SYNGR1: variants seen among roughly 807,000 people sequenced by gnomAD.
The protein encoded by SYNGR1 is synaptogyrin-1.
Under a neutral mutation model 26.1 loss-of-function variants are expected in SYNGR1, and 14 were observed. The ratio of observed to expected loss-of-function variants is 0.54; its 90% CI spans 0.35 to 0.84. The LOEUF (loss-of-function observed/expected upper bound fraction) is 0.84, where lower values mean the gene tolerates loss of function less well. SYNGR1 is among the 40% of genes least tolerant of loss of function. The pLI, the probability that SYNGR1 is intolerant of heterozygous loss-of-function variation, is 0.01. For synonymous variants in SYNGR1, 141 were observed against 150.1 expected (o/e 0.94, Z 0.44); for missense variants, 319 against 332.9 (o/e 0.96, Z 0.33).
In SYNGR1 at chr22:39,382,264, G is replaced by A. The variant is rs1293563959; in HGVS notation, c.*350G>A. ...AGAAATGGCCACTGGAAAGGGGAGC[G>A]ATGAGCTGTGGAGGAAGCCCTGGTG... On this transcript the variant is annotated 3_prime_UTR_variant, in exon 4 of 4. Coordinates refer to ENST00000328933, the MANE Select transcript of SYNGR1 (RefSeq NM_004711.5). 4 of 407,896 alleles carry A rather than the reference G, an allele frequency of 9.8e-6. No homozygotes were observed. Among genetic ancestry groups the A allele is most frequent in the Non-Finnish European group, 1.4e-5 (3 of 216,854 alleles). The allele number at this position is 407,896 out of a possible 1,614,324, so 25.3% of individuals were successfully genotyped here. A position where few individuals can be genotyped will look rare whatever the true frequency, so the allele number is the denominator to read the frequency against.
chr22:39,363,432 A>G (rs1924582163), intron 1 of SYNGR1, among the ~76,000 whole-genome samples: 1 of 151,806 alleles, frequency 6.6e-6, no homozygotes, highest in African/African-American at 2.4e-5. Context: ...GAGGGACTTG[A>G]CAGTTTTGGG....
At chr22:39,363,988 G>A (rs867234897) in intron 1 of SYNGR1, among the ~76,000 whole-genome samples, 5 of 152,152 alleles carry the variant, frequency 3.3e-5, no homozygotes, top group African/African-American at 4.8e-5. Context: ...TCCTGGCAGC[G>A]TTACAGTGAT....
Position 39,382,215 on chromosome 22 carries a change from C to A in SYNGR1, c.*301C>A, listed in dbSNP as rs764182738. 4.9e-5 allele frequency: 25 copies of A among 514,330 alleles called. No individual in the cohort carries two copies. Among genetic ancestry groups the A allele is most frequent in the Non-Finnish European group, 8.2e-5 (23 of 282,198 alleles). The allele number at this position is 514,330 out of a possible 1,614,324, so 31.9% of individuals were successfully genotyped here. A position where few individuals can be genotyped will look rare whatever the true frequency, so the allele number is the denominator to read the frequency against. On this transcript the variant is annotated 3_prime_UTR_variant, in exon 4 of 4. Coordinates refer to ENST00000328933, the MANE Select transcript of SYNGR1 (RefSeq NM_004711.5). ...GCGCCTACTGGGCATCCGGCCTGTG[C>A]TGGGCATGGGTGGTGACATTGGCAG...
intron 1 of SYNGR1, among the ~76,000 whole-genome samples, chr22:39,363,595 C>T (rs1038343668): frequency 6.6e-6 from 1 of 152,020 alleles, no homozygotes; most frequent in Non-Finnish European, 1.5e-5. Context: ...GACTCATGGC[C>T]CAAGCAGGGG....
rs895913560 is a variant in SYNGR1 at position 39,384,763 on chromosome 22, C to T, written c.*2849C>T. The T allele has an allele frequency of 7.5e-6, 3 of 398,980 alleles. No individual in the cohort carries two copies. Among genetic ancestry groups the T allele is most frequent in the Admixed American group, 8.8e-5 (2 of 22,706 alleles). The allele number at this position is 398,980 out of a possible 1,614,324, so 24.7% of individuals were successfully genotyped here. A position where few individuals can be genotyped will look rare whatever the true frequency, so the allele number is the denominator to read the frequency against. ...GTGGCTCCCTCCTCCCCATCAAGCA[C>T]AAGAGAGGGCCCAGGAAAAAAGGTT... On this transcript the variant is annotated 3_prime_UTR_variant, in exon 4 of 4. Coordinates refer to ENST00000328933, the MANE Select transcript of SYNGR1 (RefSeq NM_004711.5).
chr22:39,350,109 G>T lies in SYNGR1; in HGVS notation c.99G>T (p.Trp33Cys). Residue 33 changes from tryptophan (W) to cysteine (C), a missense_variant and splice_region_variant, in exon 1 of 4, where the codon TGG becomes TGT. Trp to Cys is a radical substitution (Grantham distance 215). Transcript: ENST00000328933. This position sits in a 1 kb window ranked among gnomAD's most constrained non-coding sequence, Gnocchi z 4.3. ...QPHTILRVVS[W>C]LFSIVVFGSI... ...ACACCATCCTGCGCGTCGTGTCTTG[G>T]GTAAGGACGGACTGGCCGACGGCTC... is the stretch of plus-strand genomic sequence containing the variant. 1 of 1,452,320 alleles carries T rather than the reference G, an allele frequency of 6.9e-7. No individual in the cohort carries two copies. The highest frequency in any genetic ancestry group is 1.3e-5 in the South Asian group (1 of 78,090). The allele number at this position is 1,452,320 out of a possible 1,614,324, so 90.0% of individuals were successfully genotyped here.
rs1272198349 is a variant in SYNGR1, at chr22:39,350,933, G to T, written c.99+824G>T. 6.6e-6 allele frequency among the ~76,000 whole-genome samples: 1 copy of T among 152,188 alleles called. No homozygotes were observed. The highest frequency in any genetic ancestry group is 1.5e-5 in the Non-Finnish European group (1 of 68,038). On this transcript the variant is annotated intron_variant, in intron 1 of 3. Transcript: ENST00000328933. The surrounding 1 kb of genome is among the most constrained non-coding windows in gnomAD (Gnocchi z 4.3). ...CTCCCACAGTGAAGAGGCCAGGGTG[G>T]CCTCCAGCCTAGCTGGGGGGCAGGG... is the stretch of plus-strand genomic sequence containing the variant.
chr22:39,376,008 C>G (rs745632161), intron 2 of SYNGR1, 44 bp from the exon 3 acceptor site: 3 of 1,613,788 alleles, frequency 1.9e-6, no homozygotes, highest in South Asian at 2.2e-5. Context: ...CCCTCTCCCC[C>G]ATGTGTGGCA....
intron 1 of SYNGR1, among the ~76,000 whole-genome samples, chr22:39,371,062 C>T (rs971610089): frequency 3.3e-5 from 5 of 152,200 alleles, no homozygotes; most frequent in African/African-American, 4.8e-5. Flanking sequence ...AAACTATAGA[C>T]ATCTTACAGA....
intron 3 of SYNGR1, among the ~76,000 whole-genome samples, chr22:39,381,352 T>C (rs559756307): frequency 1.3e-5 from 2 of 152,340 alleles, no homozygotes; most frequent in South Asian, 4.1e-4. Flanking sequence ...AAGCTTTTTT[T>C]AAGAAGGCTG....
At chr22:39,377,866 A>G in intron 3 of SYNGR1, 1 of 1,491,798 alleles carries the variant, frequency 6.7e-7, no homozygotes, top group South Asian at 1.2e-5. Context: ...CGCCTCCTTC[A>G]TTGATTCTTC....
At chr22:39,379,041 G>A (rs1266688482) in intron 3 of SYNGR1, among the ~76,000 whole-genome samples, 1 of 152,138 alleles carries the variant, frequency 6.6e-6, no homozygotes, top group South Asian at 2.1e-4. Flanking sequence ...GGGGAGAACC[G>A]CGTCTACAGA....
rs1172816342 is a variant in SYNGR1 at position 39,384,833 on chromosome 22, CTG to C, written c.*2920_*2921del. The C allele has an allele frequency of 2.5e-6, 1 of 398,896 alleles. No individual in the cohort carries two copies. Among genetic ancestry groups the C allele is most frequent in the Non-Finnish European group, 4.4e-6 (1 of 226,132 alleles). 24.7% of individuals were successfully genotyped at this position (398,896 alleles called of 1,614,324 possible). On this transcript the variant is annotated 3_prime_UTR_variant, in exon 4 of 4. Transcript: ENST00000328933. ...CAAGGACGCTTAGAGTCGGCAGAGT[CTG>C]GGGTAGGGAGACAGCGACTTGTCCA...
At chr22:39,379,423 C>T (rs1428674298) in intron 3 of SYNGR1, among the ~76,000 whole-genome samples, 4 of 152,186 alleles carry the variant, frequency 2.6e-5, no homozygotes, top group Non-Finnish European at 5.9e-5. Context: ...CACCTGAGGT[C>T]AGGAGTTTGA....
chr22:39,384,513 G>A lies in SYNGR1; in HGVS notation c.*2599G>A, dbSNP rs779522178. On this transcript the variant is annotated 3_prime_UTR_variant, in exon 4 of 4. Transcript: ENST00000328933. Reference sequence around the variant, plus strand: ...CTGCCCAGGATGGAGATGAGAGAGGGTGAGAGATGGAGGGCGAGATTTGGA... The same window carrying A: ...CTGCCCAGGATGGAGATGAGAGAGGATGAGAGATGGAGGGCGAGATTTGGA... 2.5e-6 allele frequency: 1 copy of A among 398,738 alleles called. No individual in the cohort carries two copies. Among genetic ancestry groups the A allele is most frequent in the Admixed American group, 4.4e-5 (1 of 22,716 alleles). The allele number at this position is 398,738 out of a possible 1,614,324, so 24.7% of individuals were successfully genotyped here.
At chr22:39,361,194 C>G (rs1401395918) in intron 1 of SYNGR1, among the ~76,000 whole-genome samples, 1 of 152,142 alleles carries the variant, frequency 6.6e-6, no homozygotes, top group African/African-American at 2.4e-5. Flanking sequence ...CCTTTCTTCT[C>G]TAGAAGGTGA....
intron 3 of SYNGR1, among the ~76,000 whole-genome samples, chr22:39,381,150 G>A (rs1925485615): frequency 6.6e-6 from 1 of 152,150 alleles, no homozygotes; most frequent in South Asian, 2.1e-4. Flanking sequence ...CTTGGCTCAT[G>A]GTCTTTGTGG....
rs1006429561 is a variant in SYNGR1 at position 39,368,521 on chromosome 22, G to A, written c.100-5795G>A. 3.3e-5 allele frequency among the ~76,000 whole-genome samples: 5 copies of A among 152,222 alleles called. No homozygotes were observed. In the East Asian group the frequency reaches 7.7e-4, roughly 23 times the overall value. ...AGGCGGGTGTCTGCTGGGGCCATAC[G>A]GCCCCGCCCAGTCCCTCCGAAGCTA... On this transcript the variant is annotated intron_variant, in intron 1 of 3. Transcript: ENST00000328933.
intron 1 of SYNGR1, among the ~76,000 whole-genome samples, chr22:39,367,835 A>C (rs935256319): frequency 3.3e-5 from 5 of 151,690 alleles, no homozygotes; most frequent in East Asian, 1.9e-4. Flanking sequence ...AAAAAAAAAA[A>C]AAAAAAACAA....
Sources: gnomAD v4.1 joint callset for allele counts (sites outside exome capture counted in the v4.1 genomes callset) on GRCh38, gnomAD v4.1.1 for gene constraint, Gnocchi (gnomAD v3.1) non-coding constraint, MANE v1.5 for transcripts, NCBI Gene and HGNC (gene_info 2026-07-23, HGNC 2026-07-21) for gene names.